The following LYPD6 variants were observed in gnomAD, a reference collection of about 807,000 sequenced individuals.
LYPD6 encodes LY6/PLAUR domain containing 6.
In LYPD6, 15 loss-of-function variants were observed where a neutral mutation model predicts 22.7. The observed-to-expected ratio is 0.66, with a 90% CI of 0.44 to 1.02. LYPD6 has a LOEUF of 1.02. LYPD6 is among the 50% of genes least tolerant of loss of function. LYPD6 has a pLI of 0.00. For missense variants in LYPD6, 189 were observed against 208.4 expected (o/e 0.91, Z 0.57); for synonymous variants, 72 against 77.5 (o/e 0.93, Z 0.37).
intron 3 of LYPD6, among the ~76,000 whole-genome samples, chr2:149,454,649 C>T (rs188355064): frequency 8.3e-4 from 126 of 152,222 alleles, no homozygotes; most frequent in African/African-American, 3.0e-3. Flanking sequence ...ATTGGCTTTA[C>T]TAGATACTGC....
At chr2:149,470,141 G>A (rs1416405716) in intron 4 of LYPD6, among the ~76,000 whole-genome samples, 2 of 152,166 alleles carry the variant, frequency 1.3e-5, no homozygotes, top group South Asian at 2.1e-4. Flanking sequence ...CACGAGTAAG[G>A]TGGTGTAAAG....
chr2:149,348,194 C>A (rs10187692), intron 1 of LYPD6, among the ~76,000 whole-genome samples: 3,768 of 150,638 alleles, frequency 0.025, 143 homozygotes, highest in African/African-American at 0.086. Context: ...GGTGGAAATA[C>A]AATAATAAAT....
At chr2:149,480,497 A>G in the LYPD6 span, among the ~76,000 whole-genome samples, 14 of 146,442 alleles carry the variant, frequency 9.6e-5, no homozygotes, top group African/African-American at 3.3e-4. Flanking sequence ...AATTAGATCA[A>G]GTCCCCTTGT....
chr2:149,406,840 C>G (rs1191689110), intron 1 of LYPD6, among the ~76,000 whole-genome samples: 3 of 152,174 alleles, frequency 2.0e-5, no homozygotes, highest in Admixed American at 6.5e-5. Flanking sequence ...ATGGTCTTTA[C>G]AATTTGGCAT....
At chr2:149,400,610 C>T (rs942077692) in intron 1 of LYPD6, among the ~76,000 whole-genome samples, 2 of 102,192 alleles carry the variant, frequency 2.0e-5, no homozygotes, top group Non-Finnish European at 3.9e-5. Context: ...GACTAAATGT[C>T]GTATATAAAC....
At chr2:149,378,465 T>C (rs1422056037) in intron 1 of LYPD6, among the ~76,000 whole-genome samples, 2 of 152,214 alleles carry the variant, frequency 1.3e-5, no homozygotes, top group Non-Finnish European at 2.9e-5. Flanking sequence ...ATGTTAATTC[T>C]CCTGTTTTTA....
intron 4 of LYPD6, among the ~76,000 whole-genome samples, chr2:149,469,845 C>T (rs904673090): frequency 2.0e-5 from 3 of 152,134 alleles, no homozygotes; most frequent in African/African-American, 4.8e-5. Context: ...AGTCTACCTC[C>T]GCAACATTAT....
chr2:149,349,555 C>G (rs12618689), intron 1 of LYPD6, among the ~76,000 whole-genome samples: 45,387 of 152,022 alleles, frequency 0.3, 7,081 homozygotes, highest in Middle Eastern at 0.37. Flanking sequence ...TGTGTGGAAG[C>G]GGTAATACTT....
chr2:149,362,119 T>A (rs542383743), intron 1 of LYPD6, among the ~76,000 whole-genome samples: 1 of 152,324 alleles, frequency 6.6e-6, no homozygotes, highest in Admixed American at 6.5e-5. Flanking sequence ...ATTGGACTTC[T>A]GACCTTCAGA....
intron 1 of LYPD6, among the ~76,000 whole-genome samples, chr2:149,379,067 C>G (rs1057061692): frequency 6.6e-6 from 1 of 152,194 alleles, no homozygotes; most frequent in African/African-American, 2.4e-5. Flanking sequence ...TGACTGAAAC[C>G]TGCCCTCTGA....
At chr2:149,467,374 C>T (rs1326782771) in intron 3 of LYPD6, among the ~76,000 whole-genome samples, 5 of 152,150 alleles carry the variant, frequency 3.3e-5, no homozygotes, top group Admixed American at 6.6e-5. Context: ...GCTCTTAGTA[C>T]GACTTAATTG....
chr2:149,429,630 T>G (rs149880272), intron 1 of LYPD6, among the ~76,000 whole-genome samples: 4 of 152,366 alleles, frequency 2.6e-5, no homozygotes, highest in African/African-American at 9.6e-5. Flanking sequence ...ACCACAGACC[T>G]TGGTGGCTGG....
chr2:149,378,885 C>G lies in LYPD6; in HGVS notation c.-72+48163C>G, dbSNP rs544407441. On this transcript the variant is annotated intron_variant, in intron 1 of 4. Transcript: ENST00000334166. ...TGTGCCTATATCCTTGTTTTCTATA[C>G]AGTGTTTAGCCAAGGTCCTTGACCG... Among the ~76,000 whole-genome samples, 387 of 152,324 alleles carry G rather than the reference C, an allele frequency of 2.5e-3. 1 individual carries two copies. The highest frequency in any genetic ancestry group is 3.9e-3 in the Non-Finnish European group (265 of 68,028).
chr2:149,468,525 T>C (rs2105182306), intron 3 of LYPD6, 120 bp from the exon 4 acceptor site: 2 of 1,134,548 alleles, frequency 1.8e-6, no homozygotes, highest in East Asian at 2.4e-5. Context: ...CTCAAAGCAG[T>C]GCACATCTTA....
At chr2:149,451,206 A>AGGG (rs1177761855) in intron 3 of LYPD6, among the ~76,000 whole-genome samples, 1 of 152,092 alleles carries the variant, frequency 6.6e-6, no homozygotes, top group Non-Finnish European at 1.5e-5. Flanking sequence ...CATCCTCTGG[A>AGGG]GGGGAGGAAC....
intron 1 of LYPD6, among the ~76,000 whole-genome samples, chr2:149,361,699 C>G (rs746704342): frequency 6.6e-5 from 10 of 152,150 alleles, no homozygotes; most frequent in Non-Finnish European, 1.5e-4. Context: ...GCAGTTGTAT[C>G]AAATTCATTT....
At chr2:149,433,754 C>T (rs1341799349) in intron 1 of LYPD6, among the ~76,000 whole-genome samples, 1 of 152,304 alleles carries the variant, frequency 6.6e-6, no homozygotes, top group East Asian at 1.9e-4. Flanking sequence ...CAGCCACATC[C>T]CTGCTACTGG....
intron 1 of LYPD6, among the ~76,000 whole-genome samples, chr2:149,432,502 G>T (rs1446327092): frequency 6.6e-6 from 1 of 152,166 alleles, no homozygotes; most frequent in Non-Finnish European, 1.5e-5. Context: ...CGTAGGGGAG[G>T]GAGGGAGTTC....
chr2:149,449,307 G>A (rs1171131474), intron 3 of LYPD6, among the ~76,000 whole-genome samples, 160 bp downstream of exon 3: 1 of 152,186 alleles, frequency 6.6e-6, no homozygotes, highest in African/African-American at 2.4e-5. Context: ...ACTTATCAGA[G>A]ATTCTCAGAG....
Sources: gnomAD v4.1 joint callset for allele counts (sites outside exome capture counted in the v4.1 genomes callset) on GRCh38, gnomAD v4.1.1 for gene constraint, MANE v1.5 for transcripts, NCBI Gene and HGNC (gene_info 2026-07-23, HGNC 2026-07-21) for gene names.